Variants in ITPRID2 observed in about 807,000 individuals in gnomAD.
ITPRID2 encodes the protein ITPR interacting domain containing 2, also known as protein ITPRID2.
ITPRID2 carries 60 observed loss-of-function variants against 124.3 expected under a neutral mutation model. The observed-to-expected ratio is 0.48, with a 90% CI of 0.39 to 0.60. The LOEUF (loss-of-function observed/expected upper bound fraction) is 0.60. ITPRID2 is among the 20% of genes least tolerant of loss of function. The pLI, the probability that ITPRID2 is intolerant of heterozygous loss-of-function variation, is 0.00. For synonymous variants in ITPRID2, 521 were observed against 542.9 expected (o/e 0.96, Z 0.56); for missense variants, 1,553 against 1,512.2 (o/e 1.03, Z -0.45).
In ITPRID2 at chr2:181,892,056, C is replaced by G; in HGVS notation, c.-11C>G. ...GGGTCCGGCTGGGGTAGCGGAGCCC[C>G]CAGTGCGGCCATGGACCGGCCCCTG... On this transcript the variant is annotated 5_prime_UTR_variant, in exon 1 of 18. Coordinates refer to ENST00000431877, the MANE Select transcript of ITPRID2 (RefSeq NM_001130445.3). The surrounding 1 kb of genome is among the most constrained non-coding windows in gnomAD (Gnocchi z 5.2). The G allele has an allele frequency of 6.5e-7, 1 of 1,548,502 alleles. No homozygotes were observed. Among genetic ancestry groups the G allele is most frequent in the Non-Finnish European group, 8.7e-7 (1 of 1,146,952 alleles).
At chr2:181,928,012 C>T (rs1019545061) in intron 16 of ITPRID2, 149 bp from the exon 17 acceptor site, 13 of 578,256 alleles carry the variant, frequency 2.2e-5, no homozygotes, top group Non-Finnish European at 3.7e-5. Context: ...TAGATGGACT[C>T]GATTCCCCAC....
intron 4 of ITPRID2, among the ~76,000 whole-genome samples, 190 bp from the exon 5 acceptor site, chr2:181,898,690 G>C (rs902027348): frequency 6.6e-6 from 1 of 151,998 alleles, no homozygotes; most frequent in African/African-American, 2.4e-5. Flanking sequence ...CCCTTCAAAA[G>C]CTCCTGGCCC....
At position 181,896,131 on chromosome 2, in the gene ITPRID2, T is replaced by G. The variant is rs753891006; in HGVS notation, c.307+52T>G. On this transcript the variant is annotated intron_variant, in intron 3 of 17. Coordinates refer to ENST00000431877, the MANE Select transcript of ITPRID2 (RefSeq NM_001130445.3). This position sits in a 1 kb window ranked among gnomAD's most constrained non-coding sequence, Gnocchi z 4.3. ...TGTTCTTTATGACAGTTCTACTTCT[T>G]TGTCCTCTGGGTAAAAGTGTATATA... The G allele has an allele frequency of 6.8e-7, 1 of 1,480,490 alleles. No homozygotes were observed. Among genetic ancestry groups the G allele is most frequent in the Non-Finnish European group, 9.4e-7 (1 of 1,059,420 alleles). The allele number at this position is 1,480,490 out of a possible 1,614,324, so 91.7% of individuals were successfully genotyped here. A position where few individuals can be genotyped will look rare whatever the true frequency, so the allele number is the denominator to read the frequency against.
intron 11 of ITPRID2, chr2:181,918,260 A>G (rs1694226902): frequency 9.6e-7 from 1 of 1,045,246 alleles, no homozygotes. Flanking sequence ...TAATCACTAT[A>G]ATCTCATGAT....
chr2:181,922,206 C>T lies in ITPRID2; in HGVS notation c.3469C>T (p.Pro1157Ser), dbSNP rs1234770830. ...GTTCCGAGCATCGGTGGCTCTAACG[C>T]CAACAGCTCCTTCTAGAACAGGCTC... ...KVFRASVALTPTAPSRTGSVQ... is the reference protein window; with the variant it reads ...KVFRASVALTSTAPSRTGSVQ... The change falls in exon 16 of 18, where the codon CCA becomes TCA. Residue 1157 changes from proline to serine, a missense_variant. Pro to Ser is a moderately conservative substitution (Grantham distance 74). Coordinates refer to ENST00000431877, the MANE Select transcript of ITPRID2 (RefSeq NM_001130445.3). 3 of 1,614,236 alleles carry T rather than the reference C, an allele frequency of 1.9e-6. No homozygotes were observed. Among genetic ancestry groups the T allele is most frequent in the Non-Finnish European group, 2.5e-6 (3 of 1,180,050 alleles).
rs182440115 is a variant in ITPRID2, at chr2:181,913,091, G to A, written c.1487-754G>A. On this transcript the variant is annotated intron_variant, in intron 9 of 17. Transcript: ENST00000431877. ...TTTATTTATTTATTTTTTTTGAGAC[G>A]GAGTCTTGCTCTGTCGCCCAGGCTG... Among the ~76,000 whole-genome samples, 343 of 150,504 alleles carry A rather than the reference G, an allele frequency of 2.3e-3. 3 individuals are homozygous for A. Among genetic ancestry groups the A allele is most frequent in the African/African-American group, 7.8e-3 (320 of 40,844 alleles).
At chr2:181,908,150 C>G (rs1693301993) in intron 8 of ITPRID2, among the ~76,000 whole-genome samples, 1 of 152,126 alleles carries the variant, frequency 6.6e-6, no homozygotes, top group African/African-American at 2.4e-5. Context: ...AGGTGGATCG[C>G]TTGAGCCCAG....
chr2:181,899,066 A>G lies in ITPRID2; in HGVS notation c.457A>G (p.Ser153Gly), dbSNP rs1029138924. ...RRLQFHQKGR[S>G]MNSTGSGKSS... ...ATTACAGTTTCATCAGAAAGGGAGA[A>G]GTATGAATTCCACTGGATCTGGGAA... is the stretch of plus-strand genomic sequence containing the variant. Residue 153 changes from serine to glycine, a missense_variant, in exon 6 of 18, where the codon AGT becomes GGT. By Grantham distance (56) the Ser-to-Gly change is moderately conservative (BLOSUM62 0). Coordinates refer to ENST00000431877, the MANE Select transcript of ITPRID2 (RefSeq NM_001130445.3). 1.9e-6 allele frequency: 3 copies of G among 1,611,184 alleles called. No homozygotes were observed. The highest frequency in any genetic ancestry group is 2.5e-6 in the Non-Finnish European group (3 of 1,179,198).
chr2:181,908,447 T>C (rs1461789531), intron 8 of ITPRID2, among the ~76,000 whole-genome samples: 1 of 152,212 alleles, frequency 6.6e-6, no homozygotes, highest in East Asian at 1.9e-4. Flanking sequence ...ATAATAGACA[T>C]TTTATTGAAT....
In ITPRID2 at chr2:181,898,467, T is replaced by G. The variant is rs528720050; in HGVS notation, c.365-413T>G. Among the ~76,000 whole-genome samples, 4 of 152,204 alleles carry G rather than the reference T, an allele frequency of 2.6e-5. No individual in the cohort carries two copies. In the South Asian group the frequency reaches 8.3e-4, roughly 31 times the overall value. On this transcript the variant is annotated intron_variant, in intron 4 of 17. Transcript: ENST00000431877. ...TCACATTAGAAACTGACATATACTATTGCCACACTTAATGTTAAATCATGT... is the reference window on the plus strand; with the variant it reads ...TCACATTAGAAACTGACATATACTAGTGCCACACTTAATGTTAAATCATGT...
At position 181,919,567 on chromosome 2, in the gene ITPRID2, CTGTT is replaced by C; in HGVS notation, c.3144+123_3144+126del. Reference sequence around the variant, plus strand: ...TTTAATGGTATTAAAAGCATGCATACTGTTTAAGGAGCTTTCCCACAAATCAGTT... The same window carrying C: ...TTTAATGGTATTAAAAGCATGCATACTAAGGAGCTTTCCCACAAATCAGTT... On this transcript the variant is annotated intron_variant, in intron 14 of 17. Coordinates refer to ENST00000431877, the MANE Select transcript of ITPRID2 (RefSeq NM_001130445.3). This position sits in a 1 kb window ranked among gnomAD's most constrained non-coding sequence, Gnocchi z 4.2. 2.9e-6 allele frequency: 3 copies of C among 1,042,462 alleles called. No homozygotes were observed. In the South Asian group the frequency reaches 7.3e-5, roughly 25 times the overall value. 64.6% of individuals were successfully genotyped at this position (1,042,462 alleles called of 1,614,324 possible). A position where few individuals can be genotyped will look rare whatever the true frequency, so the allele number is the denominator to read the frequency against.
rs898841747 is a variant in ITPRID2, at chr2:181,896,576, G to A, written c.308-332G>A. Among the ~76,000 whole-genome samples the A allele has an allele frequency of 6.6e-6, 1 of 151,934 alleles. No homozygotes were observed. Among genetic ancestry groups the A allele is most frequent in the Non-Finnish European group, 1.5e-5 (1 of 67,850 alleles). ...CCAGCTCCTGACTTAATATGAGATG[G>A]ATAAGAAGAATATTTGCTCCAGGAT... On this transcript the variant is annotated intron_variant, in intron 3 of 17. Transcript: ENST00000431877. This position sits in a 1 kb window ranked among gnomAD's most constrained non-coding sequence, Gnocchi z 4.3.
intron 10 of ITPRID2, 84 bp downstream of exon 10, chr2:181,914,017 AG>A: frequency 1.2e-6 from 1 of 833,792 alleles, no homozygotes; most frequent in African/African-American, 1.7e-5. Flanking sequence ...TTTAATATTG[AG>A]TCTGTATAAT....
Position 181,902,378 on chromosome 2 carries a change from C to T in ITPRID2, c.1325C>T (p.Thr442Ile), listed in dbSNP as rs761942831. Residue 442 changes from threonine to isoleucine, a missense_variant, in exon 8 of 18, where the codon ACA becomes ATA. Coordinates refer to ENST00000431877, the MANE Select transcript of ITPRID2 (RefSeq NM_001130445.3). The surrounding 1 kb of genome is among the most constrained non-coding windows in gnomAD (Gnocchi z 4.4). ...SSELKSVHIS[T>I]PEKEPCAPLT... is the part of the protein sequence containing the mutation. ...GAGCTGAAAAGTGTCCATATATCCA[C>T]ACCTGAAAAAGAGCCTTGTGCACCA... The T allele has an allele frequency of 4.3e-6, 7 of 1,613,772 alleles. No individual in the cohort carries two copies. The highest frequency in any genetic ancestry group is 1.7e-4 in the Middle Eastern group (1 of 6,060).
In ITPRID2 at chr2:181,901,000, C is replaced by A. The variant is rs566513583; in HGVS notation, c.712+96C>A. The A allele has an allele frequency of 1.6e-5, 16 of 970,086 alleles. No homozygotes were observed. The East Asian group carries it at 3.8e-4, about 23-fold the overall frequency. The allele number at this position is 970,086 out of a possible 1,614,324, so 60.1% of individuals were successfully genotyped here. A position where few individuals can be genotyped will look rare whatever the true frequency, so the allele number is the denominator to read the frequency against. ...AAAGCCTTAATTTTCAGGAATAGCA[C>A]TGGAAAGTAAAGAGATTGATTAACG... On this transcript the variant is annotated intron_variant, in intron 7 of 17. Coordinates refer to ENST00000431877, the MANE Select transcript of ITPRID2 (RefSeq NM_001130445.3).
intron 16 of ITPRID2, among the ~76,000 whole-genome samples, chr2:181,927,111 A>G (rs921455458): frequency 6.6e-6 from 1 of 152,228 alleles, no homozygotes; most frequent in Non-Finnish European, 1.5e-5. Flanking sequence ...ATAACTATGT[A>G]TAAATCTATG....
At position 181,891,886 on chromosome 2, in the gene ITPRID2, C is replaced by T. The variant is rs1387364327; in HGVS notation, c.-181C>T. 8.6e-6 allele frequency: 3 copies of T among 350,716 alleles called. No homozygotes were observed. The highest frequency in any genetic ancestry group is 4.7e-5 in the South Asian group (2 of 42,346). 21.7% of individuals were successfully genotyped at this position (350,716 alleles called of 1,614,324 possible). A position where few individuals can be genotyped will look rare whatever the true frequency, so the allele number is the denominator to read the frequency against. Reference sequence around the variant, plus strand: ...GTGAAGCGCCGGCCCTCCGCCCCTTCCCTCCCCTTCCTTCCCTCCCTCCCT... The same window carrying T: ...GTGAAGCGCCGGCCCTCCGCCCCTTTCCTCCCCTTCCTTCCCTCCCTCCCT... On this transcript the variant is annotated 5_prime_UTR_variant, in exon 1 of 18. Transcript: ENST00000431877.
chr2:181,922,134 G>C lies in ITPRID2; in HGVS notation c.3397G>C (p.Ala1133Pro), dbSNP rs371363651. 6 of 1,614,128 alleles carry C rather than the reference G, an allele frequency of 3.7e-6. No individual in the cohort carries two copies. The highest frequency in any genetic ancestry group is 5.1e-6 in the Non-Finnish European group (6 of 1,180,052). ...ANRRTGVPSTASVGKSKTPLV... is the reference protein window; with the variant it reads ...ANRRTGVPSTPSVGKSKTPLV... The stretch of plus-strand genomic sequence containing the variant: ...CAGAAGAACTGGAGTACCTTCTACT[G>C]CCTCAGTGGGCAAATCCAAAACCCC... Residue 1133 changes from alanine to proline, a missense_variant, in exon 16 of 18, where the codon GCC becomes CCC. Ala to Pro is a conservative substitution (Grantham distance 27). Transcript: ENST00000431877.
chr2:181,920,688 T>G (rs761003472), intron 15 of ITPRID2, 26 bp downstream of exon 15: 5 of 1,559,426 alleles, frequency 3.2e-6, no homozygotes, highest in Non-Finnish European at 3.5e-6. Context: ...CTTAAATCAC[T>G]GGGGAAGGGA....
Sources: gnomAD v4.1 joint callset for allele counts (sites outside exome capture counted in the v4.1 genomes callset) on GRCh38, gnomAD v4.1.1 for gene constraint, Gnocchi (gnomAD v3.1) non-coding constraint, MANE v1.5 for transcripts, NCBI Gene and HGNC (gene_info 2026-07-23, HGNC 2026-07-21) for gene names.